The following UNC13C variants were observed in gnomAD, a reference collection of about 807,000 sequenced individuals.
UNC13C encodes protein unc-13 homolog C.
In UNC13C, 174 loss-of-function variants were observed where a neutral mutation model predicts 245.4. That is an observed-to-expected ratio of 0.71 (90% CI 0.63 to 0.80). The LOEUF (loss-of-function observed/expected upper bound fraction) is 0.80, where lower values mean the gene tolerates loss of function less well. Ranked by LOEUF, UNC13C falls within the 30% of genes least tolerant of loss-of-function variation. The pLI is 0.00. For missense variants in UNC13C, 2,829 were observed against 2,602.9 expected (o/e 1.09, Z -1.89); for synonymous variants, 992 against 895.1 (o/e 1.11, Z -1.93).
intron 4 of UNC13C, among the ~76,000 whole-genome samples, chr15:54,212,510 G>C (rs546794337): frequency 6.6e-6 from 1 of 151,746 alleles, no homozygotes; most frequent in Non-Finnish European, 1.5e-5. Context: ...TGTGGGATCT[G>C]GGAAGAATAA....
At chr15:54,089,918 C>G (rs558733045) in intron 2 of UNC13C, among the ~76,000 whole-genome samples, 1 of 152,234 alleles carries the variant, frequency 6.6e-6, no homozygotes, top group South Asian at 2.1e-4. Context: ...GTAGGACTTC[C>G]AATGTGCTGC....
At chr15:54,194,418 T>C (rs564431679) in intron 4 of UNC13C, among the ~76,000 whole-genome samples, 33 of 152,238 alleles carry the variant, frequency 2.2e-4, no homozygotes, top group African/African-American at 7.2e-4. Flanking sequence ...TCTTGGACAT[T>C]ATTTGTGGCA....
chr15:53,990,112 T>A (rs947004203), intron 1 of UNC13C, among the ~76,000 whole-genome samples: 1 of 152,028 alleles, frequency 6.6e-6, no homozygotes, highest in Admixed American at 6.6e-5. Context: ...GAATCTTGGA[T>A]AGGCTTGCCT....
intron 2 of UNC13C, among the ~76,000 whole-genome samples, chr15:54,130,234 T>C (rs922382663): frequency 6.6e-6 from 1 of 151,888 alleles, no homozygotes; most frequent in Non-Finnish European, 1.5e-5. Flanking sequence ...GATTGGTCTT[T>C]TTGATATTCT....
rs55953621 is a variant in UNC13C, at chr15:54,448,329, C to T, written c.4933+33262C>T. On this transcript the variant is annotated intron_variant, in intron 19 of 32. Transcript: ENST00000260323. The stretch of plus-strand genomic sequence containing the variant: ...GCTGAGTTCAATTCCTGGATATCCT[C>T]ATTAACTTTCTGTCTTGTTGATCTG... Among the ~76,000 whole-genome samples the T allele has an allele frequency of 3.3e-5, 5 of 152,044 alleles. No homozygotes were observed. The South Asian group carries it at 1.0e-3, about 32-fold the overall frequency.
At chr15:54,208,771 T>C (rs2034791025) in intron 4 of UNC13C, among the ~76,000 whole-genome samples, 1 of 152,124 alleles carries the variant, frequency 6.6e-6, no homozygotes, top group Non-Finnish European at 1.5e-5. Flanking sequence ...TTTAAAAATC[T>C]TATGTATCAC....
intron 18 of UNC13C, among the ~76,000 whole-genome samples, chr15:54,400,632 T>C (rs986457964): frequency 3.5e-4 from 54 of 152,300 alleles, no homozygotes; most frequent in African/African-American, 1.1e-3. Context: ...CCTTGATTAG[T>C]GCTGACAGTC....
At chr15:54,205,901 G>T (rs563994067) in intron 4 of UNC13C, among the ~76,000 whole-genome samples, 33 of 152,102 alleles carry the variant, frequency 2.2e-4, no homozygotes, top group Non-Finnish European at 4.0e-4. Context: ...TTACAGCTGG[G>T]CTTCTGAGAT....
At position 54,627,446 on chromosome 15, in the gene UNC13C, T is replaced by C. The variant is rs779148314; in HGVS notation, c.*333T>C. On this transcript the variant is annotated 3_prime_UTR_variant, in exon 33 of 33. Transcript: ENST00000260323. ...TTGCCCATCAGTTGTCTTTGTTAAA[T>C]GAGATTATATTGCCCATAGATCAGA... 1.6e-4 allele frequency: 30 copies of C among 185,178 alleles called. No individual in the cohort carries two copies. The highest frequency in any genetic ancestry group is 3.3e-4 in the Non-Finnish European group (29 of 88,128). The allele number at this position is 185,178 out of a possible 1,614,324, so 11.5% of individuals were successfully genotyped here.
intron 17 of UNC13C, among the ~76,000 whole-genome samples, chr15:54,341,314 ATGTG>A (rs2038723162): frequency 6.6e-6 from 1 of 152,192 alleles, no homozygotes; most frequent in Non-Finnish European, 1.5e-5. Flanking sequence ...AGCAACATGG[ATGTG>A]TCCGGAGGTC....
chr15:54,052,641 G>A (rs1289491691), intron 2 of UNC13C, among the ~76,000 whole-genome samples: 2 of 152,202 alleles, frequency 1.3e-5, no homozygotes, highest in South Asian at 2.1e-4. Flanking sequence ...AAGAAAGGAT[G>A]GCTTTCCAGT....
intron 19 of UNC13C, among the ~76,000 whole-genome samples, chr15:54,423,142 T>C (rs1358174590): frequency 6.6e-6 from 1 of 151,770 alleles, no homozygotes; most frequent in African/African-American, 2.4e-5. Context: ...ACATATTGCA[T>C]ATAATTTATG....
At chr15:54,142,797 T>C (rs1018062064) in intron 2 of UNC13C, among the ~76,000 whole-genome samples, 7 of 152,204 alleles carry the variant, frequency 4.6e-5, no homozygotes, top group African/African-American at 1.7e-4. Context: ...TTAAATCCTG[T>C]AATCACTTTT....
At chr15:54,372,806 G>T (rs1250841145) in intron 17 of UNC13C, among the ~76,000 whole-genome samples, 1 of 152,226 alleles carries the variant, frequency 6.6e-6, no homozygotes, top group Non-Finnish European at 1.5e-5. Flanking sequence ...AGAACTTTGT[G>T]CAGTGGTAGA....
At chr15:53,897,252 T>C in the UNC13C span, among the ~76,000 whole-genome samples, 1 of 152,300 alleles carries the variant, frequency 6.6e-6, no homozygotes, top group East Asian at 1.9e-4. Context: ...ATCAAGCTCA[T>C]TGAATAAATG....
intron 4 of UNC13C, among the ~76,000 whole-genome samples, chr15:54,184,964 C>T (rs939524700): frequency 1.3e-5 from 2 of 152,082 alleles, no homozygotes; most frequent in Non-Finnish European, 2.9e-5. Context: ...ACCATTCTAA[C>T]TGGTGTGAGA....
At chr15:53,960,172 G>C in the UNC13C span, among the ~76,000 whole-genome samples, 1 of 152,050 alleles carries the variant, frequency 6.6e-6, no homozygotes, top group Non-Finnish European at 1.5e-5. Context: ...ATCTGGGTTT[G>C]GATCCCCATT....
intron 17 of UNC13C, among the ~76,000 whole-genome samples, chr15:54,376,899 G>C (rs2039619230): frequency 6.6e-6 from 1 of 152,176 alleles, no homozygotes; most frequent in Non-Finnish European, 1.5e-5. Flanking sequence ...CTTTGCAAAT[G>C]TAACTAAGGT....
At chr15:54,217,929 C>T (rs2035091832) in intron 4 of UNC13C, among the ~76,000 whole-genome samples, 1 of 151,902 alleles carries the variant, frequency 6.6e-6, no homozygotes, top group Non-Finnish European at 1.5e-5. Flanking sequence ...GAACCATGGA[C>T]TACTTAATGT....
Sources: allele counts gnomAD v4.1 joint callset (sites outside exome capture counted in the v4.1 genomes callset), GRCh38; gene constraint gnomAD v4.1.1; transcripts MANE v1.5; gene names NCBI Gene and HGNC (gene_info 2026-07-23, HGNC 2026-07-21).